EPHB4: variants seen among roughly 807,000 people sequenced by gnomAD.
The protein encoded by EPHB4 is ephrin type-B receptor 4.
A neutral mutation model predicts 110.6 loss-of-function variants in EPHB4; 50 were observed. The ratio of observed to expected loss-of-function variants is 0.45; its 90% confidence interval spans 0.36 to 0.57. The LOEUF (loss-of-function observed/expected upper bound fraction) is 0.57, where lower values mean the gene tolerates loss of function less well. Among genes scored for constraint, EPHB4 ranks in the 20% least tolerant of loss-of-function variants. The probability of loss-of-function intolerance (pLI) is 0.00; values close to 1 mark genes in which losing one functional copy is unlikely to be tolerated. For synonymous variants in EPHB4, 592 were observed against 578.4 expected (o/e 1.02, Z -0.34); for missense variants, 1,128 against 1,382.1 (o/e 0.82, Z 2.91).
At position 100,822,913 on chromosome 7, in the gene EPHB4, A is replaced by G. The variant is rs1380232230; in HGVS notation, c.412-246T>C. Among the ~76,000 whole-genome samples the G allele has an allele frequency of 6.6e-6, 1 of 152,150 alleles. No individual in the cohort carries two copies. The highest frequency in any genetic ancestry group is 1.5e-5 in the Non-Finnish European group (1 of 68,028). On this transcript the variant is annotated intron_variant, in intron 3 of 16. Coordinates refer to ENST00000358173, the MANE Select transcript of EPHB4 (RefSeq NM_004444.5). This position sits in a 1 kb window ranked among gnomAD's most constrained non-coding sequence, Gnocchi z 4.7. ...CTTTTTATTCACTCGTTCTACAAAC[A>G]TTTACTGACACTGACGCCATGCCAG... is the stretch of plus-strand genomic sequence containing the variant.
intron 1 of EPHB4, 136 bp from the exon 2 acceptor site, chr7:100,824,409 G>A (rs1813320326): frequency 3.4e-6 from 3 of 876,256 alleles, no homozygotes; most frequent in Non-Finnish European, 5.4e-6. Flanking sequence ...AGGGGAGCAA[G>A]CCCTGCCCTC....
intron 8 of EPHB4, among the ~76,000 whole-genome samples, chr7:100,816,615 G>A (rs899848414): frequency 5.3e-5 from 8 of 152,094 alleles, no homozygotes; most frequent in Non-Finnish European, 1.2e-4. Flanking sequence ...GTTACAGGGT[G>A]AGCCACTGTG....
At chr7:100,806,757 G>C (rs1456348189) in intron 13 of EPHB4, among the ~76,000 whole-genome samples, 188 bp from the exon 14 acceptor site, 1 of 151,954 alleles carries the variant, frequency 6.6e-6, no homozygotes, top group Non-Finnish European at 1.5e-5. Flanking sequence ...CTGAAACTCC[G>C]CCTCCCGGGT....
chr7:100,819,500 G>A (rs1165194771), intron 6 of EPHB4, 57 bp downstream of exon 6: 10 of 1,507,214 alleles, frequency 6.6e-6, no homozygotes, highest in East Asian at 2.3e-5. Flanking sequence ...TCCCCTTCAG[G>A]CCCTCAGTGA....
chr7:100,820,282 T>A lies in EPHB4; in HGVS notation c.823A>T (p.Thr275Ser). The A allele has an allele frequency of 6.2e-7, 1 of 1,613,704 alleles. No homozygotes were observed. Among genetic ancestry groups the A allele is most frequent in the Non-Finnish European group, 8.5e-7 (1 of 1,179,920 alleles). The change falls in exon 5 of 17, where the codon ACC becomes TCC. Residue 275 changes from threonine (T) to serine (S), a missense_variant. Physicochemically the swap from Thr to Ser is moderately conservative, Grantham distance 58. This residue lies in a region of EPHB4 where 728 missense variants were observed against 828.6 expected (regional missense o/e 0.88). Coordinates refer to ENST00000358173, the MANE Select transcript of EPHB4 (RefSeq NM_004444.5). ...NTKCRACAQG[T>S]FKPLSGEGSC... ...CCTTCTCCTGACAGGGGCTTGAAGGTGCCCTGGGCACAGGCTGAGAGAGAG... is the reference window on the plus strand; with the variant it reads ...CCTTCTCCTGACAGGGGCTTGAAGGAGCCCTGGGCACAGGCTGAGAGAGAG...
intron 1 of EPHB4, chr7:100,824,600 G>T (rs1813324334): frequency 7.2e-6 from 2 of 279,540 alleles, no homozygotes; most frequent in Admixed American, 4.7e-5. Flanking sequence ...GCTGCGCCCT[G>T]GTCCTGACCC....
intron 16 of EPHB4, among the ~76,000 whole-genome samples, chr7:100,804,649 A>G (rs977456544): frequency 3.9e-5 from 6 of 151,940 alleles, no homozygotes; most frequent in East Asian, 1.9e-4. Flanking sequence ...CTGTTATTCA[A>G]CCTGGGGTGA....
At chr7:100,814,581 T>C (rs1476842551) in intron 8 of EPHB4, among the ~76,000 whole-genome samples, 1 of 152,160 alleles carries the variant, frequency 6.6e-6, no homozygotes, top group Non-Finnish European at 1.5e-5. Flanking sequence ...AAAATCTCCA[T>C]TCAATGAAAC....
chr7:100,813,120 G>A lies in EPHB4; in HGVS notation c.1845C>T (p.Val615=). The change falls in exon 11 of 17, where the codon GTC becomes GTT. Residue 615 remains valine (V), a synonymous_variant. Coordinates refer to ENST00000358173, the MANE Select transcript of EPHB4 (RefSeq NM_004444.5). ...CTGCACCAATCACCTCTTCAATCTTGACGTAGGAGACATCGATCTCTTTTG... is the reference window on the plus strand; with the variant it reads ...CTGCACCAATCACCTCTTCAATCTTAACGTAGGAGACATCGATCTCTTTTG... ...EFAKEIDVSY[V]KIEEVIGAGE... 6.2e-7 allele frequency: 1 copy of A among 1,613,052 alleles called. No individual in the cohort carries two copies. Among genetic ancestry groups the A allele is most frequent in the African/African-American group, 1.3e-5 (1 of 75,060 alleles).
intron 12 of EPHB4, among the ~76,000 whole-genome samples, chr7:100,811,256 A>G (rs1203982790): frequency 6.7e-6 from 1 of 150,084 alleles, no homozygotes; most frequent in African/African-American, 2.4e-5. Context: ...CATCTCAAGA[A>G]AAAAGAAAAG....
chr7:100,817,859 GTTTTTTTTTTTT>G (rs33978512), intron 7 of EPHB4, among the ~76,000 whole-genome samples: 2,000 of 47,422 alleles, frequency 0.042, 89 homozygotes, highest in African/African-American at 0.15. Context: ...TATTTTTTGC[GTTTTTTTTTTTT>G]TTTTTTTTTT....
At chr7:100,809,456 T>C (rs1156446048) in intron 12 of EPHB4, among the ~76,000 whole-genome samples, 1 of 152,076 alleles carries the variant, frequency 6.6e-6, no homozygotes, top group Non-Finnish European at 1.5e-5. Flanking sequence ...CGGGTTCCCG[T>C]CACACTGCCC....
chr7:100,817,816 C>A (rs949809471), intron 7 of EPHB4, among the ~76,000 whole-genome samples: 1 of 144,410 alleles, frequency 6.9e-6, no homozygotes, highest in Non-Finnish European at 1.5e-5. Flanking sequence ...AGGCATGAGC[C>A]ACTGTGCCCA....
intron 4 of EPHB4, among the ~76,000 whole-genome samples, chr7:100,821,765 G>A (rs1584665307): frequency 2.0e-5 from 3 of 152,032 alleles, no homozygotes; most frequent in Admixed American, 6.5e-5. Context: ...CACTGTGTCA[G>A]GCAATACCTG....
Position 100,826,963 on chromosome 7 carries a change from CCG to C in EPHB4, c.52+14_52+15del, listed in dbSNP as rs1491219865. 47,493 of 1,515,374 alleles carry C rather than the reference CCG, an allele frequency of 0.031. 965 individuals are homozygous for C. The highest frequency in any genetic ancestry group is 0.1 in the African/African-American group (7,352 of 71,238). 93.9% of individuals were successfully genotyped at this position (1,515,374 alleles called of 1,614,324 possible). Reference sequence around the variant, plus strand: ...CAGGAGTGACGGGGTGCGCCCCCCCCCGCAAGGAAACTCACCTTCCAAAGCTG... The same window carrying C: ...CAGGAGTGACGGGGTGCGCCCCCCCCCAAGGAAACTCACCTTCCAAAGCTG... On this transcript the variant is annotated intron_variant, in intron 1 of 16. Transcript: ENST00000358173.
At chr7:100,825,737 AATT>A (rs1426795574) in intron 1 of EPHB4, among the ~76,000 whole-genome samples, 1 of 152,198 alleles carries the variant, frequency 6.6e-6, no homozygotes, top group Non-Finnish European at 1.5e-5. Flanking sequence ...GGATGGGTGA[AATT>A]AATATTTGTA....
intron 8 of EPHB4, among the ~76,000 whole-genome samples, chr7:100,815,470 A>AG (rs1185549481): frequency 2.0e-5 from 3 of 152,220 alleles, no homozygotes; most frequent in African/African-American, 7.2e-5. Flanking sequence ...AGTGCTTGCC[A>AG]GGGACTAAGG....
At chr7:100,804,308 C>CTTTTTTT (rs11338293) in intron 16 of EPHB4, among the ~76,000 whole-genome samples, 10 of 71,614 alleles carry the variant, frequency 1.4e-4, no homozygotes, top group African/African-American at 2.1e-4. Flanking sequence ...CTTCACATTT[C>CTTTTTTT]TTTTTTTTTT....
chr7:100,823,649 T>A lies in EPHB4; in HGVS notation c.406A>T (p.Ile136Phe). 6.2e-7 allele frequency: 1 copy of A among 1,611,976 alleles called. No homozygotes were observed. The highest frequency in any genetic ancestry group is 8.5e-7 in the Non-Finnish European group (1 of 1,179,040). The change falls in exon 3 of 17, where the codon ATC (isoleucine) becomes TTC (phenylalanine). Residue 136 changes from isoleucine to phenylalanine, a missense_variant. Ile to Phe is a conservative substitution (Grantham distance 21). This residue lies in a region of EPHB4 where 728 missense variants were observed against 828.6 expected (regional missense o/e 0.88). Coordinates refer to ENST00000358173, the MANE Select transcript of EPHB4 (RefSeq NM_004444.5). ...CCCTGGGGGCACCCAGGTACCTTGATGTAGGGGTTCTCCATCCAGGCTGGC... is the reference window on the plus strand; with the variant it reads ...CCCTGGGGGCACCCAGGTACCTTGAAGTAGGGGTTCTCCATCCAGGCTGGC... ...LTPAWMENPYIKVDTVAAEHL... is the reference protein window; with the variant it reads ...LTPAWMENPYFKVDTVAAEHL...
Sources: gnomAD v4.1 joint callset for allele counts (sites outside exome capture counted in the v4.1 genomes callset) on GRCh38, gnomAD v4.1.1 for gene constraint, gnomAD v4.1.1 regional missense constraint, Gnocchi (gnomAD v3.1) non-coding constraint, MANE v1.5 for transcripts, NCBI Gene and HGNC (gene_info 2026-07-23, HGNC 2026-07-21) for gene names.